AKAP7: variants seen among roughly 807,000 people sequenced by gnomAD.
AKAP7 encodes A-kinase anchoring protein 7, also known as A kinase (PRKA) anchor protein 7.
A neutral mutation model predicts 39.5 loss-of-function variants in AKAP7; 39 were observed. The ratio of observed to expected loss-of-function variants is 0.99; its 90% CI spans 0.76 to 1.29. The LOEUF is 1.29. Among genes scored for constraint, AKAP7 ranks in the 50% most tolerant of loss-of-function variants. The probability of loss-of-function intolerance (pLI) is 0.00; values close to 1 mark genes in which losing one functional copy is unlikely to be tolerated. For missense variants in AKAP7, 414 were observed against 407.7 expected, an observed-to-expected ratio of 1.02 and a Z score of -0.13; for synonymous variants, 140 against 139.1, an observed-to-expected ratio of 1.01 and a Z score of -0.05.
chr6:131,160,254 CA>C (rs67922791), intron 3 of AKAP7, 56 bp downstream of exon 3: 1,255,121 of 1,555,846 alleles, frequency 0.81, 508,054 homozygotes, highest in East Asian at 0.93. Context: ...ATTTAAAGTA[CA>C]ACTAAATGCT....
chr6:131,271,320 T>C (rs548391629), intron 7 of AKAP7, among the ~76,000 whole-genome samples: 1 of 152,318 alleles, frequency 6.6e-6, no homozygotes, highest in Middle Eastern at 3.4e-3. Flanking sequence ...TTATTCTTTT[T>C]TAATTGCCTT....
At chr6:131,269,626 G>A (rs3777491) in intron 7 of AKAP7, among the ~76,000 whole-genome samples, 14,750 of 152,190 alleles carry the variant, frequency 0.097, 1,656 homozygotes, top group African/African-American at 0.27. Flanking sequence ...CCCCTCTGAA[G>A]GAGATTTAAA....
intron 7 of AKAP7, among the ~76,000 whole-genome samples, chr6:131,222,234 G>A (rs1371839763): frequency 3.9e-5 from 6 of 152,142 alleles, no homozygotes; most frequent in Non-Finnish European, 7.4e-5. Flanking sequence ...GATAGAAACA[G>A]CAAGAGAATG....
rs1373817532 is a variant in AKAP7, at chr6:131,232,699, A to T, written c.850+12891A>T. ...TCCCAGCTACTTGGGAGGCTGAGGCAGGAGAATTGCTTGAACCTGGGAGGC... is the reference window on the plus strand; with the variant it reads ...TCCCAGCTACTTGGGAGGCTGAGGCTGGAGAATTGCTTGAACCTGGGAGGC... On this transcript the variant is annotated intron_variant, in intron 7 of 7. Coordinates refer to ENST00000431975, the MANE Select transcript of AKAP7 (RefSeq NM_016377.4). Among the ~76,000 whole-genome samples the T allele has an allele frequency of 2.0e-5, 3 of 152,148 alleles. No individual in the cohort carries two copies. In the East Asian group the frequency reaches 5.8e-4, roughly 29 times the overall value.
At chr6:131,182,123 C>T (rs896144120) in intron 5 of AKAP7, among the ~76,000 whole-genome samples, 5 of 135,204 alleles carry the variant, frequency 3.7e-5, no homozygotes, top group Admixed American at 7.2e-5. Context: ...AAGAGTCCGT[C>T]TGAAAAAAAA....
At chr6:131,180,199 T>C (rs1396609882) in intron 5 of AKAP7, among the ~76,000 whole-genome samples, 1 of 152,202 alleles carries the variant, frequency 6.6e-6, no homozygotes, top group East Asian at 1.9e-4. Context: ...GGCTTTTAAA[T>C]TCTCATACAG....
chr6:131,186,748 A>C (rs1018275643), intron 5 of AKAP7, among the ~76,000 whole-genome samples: 1 of 152,192 alleles, frequency 6.6e-6, no homozygotes, highest in African/African-American at 2.4e-5. Context: ...CAAAGACAAA[A>C]GACAAAAGTG....
Position 131,169,110 on chromosome 6 carries a change from T to C in AKAP7, c.429-3T>C, listed in dbSNP as rs1803784529. ...TACTGAAAAATGTATTATTTCTTACTAGTGGTATTGATGCTCTTTTGGAAT... is the reference window on the plus strand; with the variant it reads ...TACTGAAAAATGTATTATTTCTTACCAGTGGTATTGATGCTCTTTTGGAAT... On this transcript the variant is annotated splice_polypyrimidine_tract_variant and splice_region_variant and intron_variant, in intron 4 of 7. Coordinates refer to ENST00000431975, the MANE Select transcript of AKAP7 (RefSeq NM_016377.4). The C allele has an allele frequency of 6.2e-7, 1 of 1,600,316 alleles. No individual in the cohort carries two copies. Among genetic ancestry groups the C allele is most frequent in the Admixed American group, 1.7e-5 (1 of 59,508 alleles).
chr6:131,278,059 G>A (rs1213102137), intron 7 of AKAP7, among the ~76,000 whole-genome samples: 1 of 152,140 alleles, frequency 6.6e-6, no homozygotes, highest in African/African-American at 2.4e-5. Context: ...CTTATAGGAA[G>A]ATAGAAACAT....
chr6:131,238,020 C>T (rs1811218704), intron 7 of AKAP7, among the ~76,000 whole-genome samples: 1 of 152,066 alleles, frequency 6.6e-6, no homozygotes, highest in Non-Finnish European at 1.5e-5. Flanking sequence ...TTAGATCTTT[C>T]CTACTTTCTC....
intron 7 of AKAP7, among the ~76,000 whole-genome samples, chr6:131,276,670 ATAGT>A (rs915382224): frequency 1.3e-5 from 2 of 152,162 alleles, no homozygotes; most frequent in African/African-American, 4.8e-5. Flanking sequence ...GAGGTTTCTG[ATAGT>A]TAGAATGTGA....
Position 131,281,597 on chromosome 6 carries a change from C to T in AKAP7, c.918C>T (p.Asn306=), listed in dbSNP as rs377014445. 17 of 1,613,280 alleles carry T rather than the reference C, an allele frequency of 1.1e-5. No individual in the cohort carries two copies. Among genetic ancestry groups the T allele is most frequent in the Middle Eastern group, 1.6e-4 (1 of 6,084 alleles). ...GGCTCAGTAAGAGGCTGGTGGAGAA[C>T]GCGGTGCTCAAGGCTGTCCAGCAGT... The part of the protein sequence containing the change: ...LVRLSKRLVE[N]AVLKAVQQYL... The change falls in exon 8 of 8, where the codon AAC becomes AAT. Residue 306 remains asparagine, a synonymous_variant. Coordinates refer to ENST00000431975, the MANE Select transcript of AKAP7 (RefSeq NM_016377.4). The surrounding 1 kb of genome is among the most constrained non-coding windows in gnomAD (Gnocchi z 4.0).
At chr6:131,277,101 T>C (rs898420917) in intron 7 of AKAP7, among the ~76,000 whole-genome samples, 2 of 152,202 alleles carry the variant, frequency 1.3e-5, no homozygotes, top group African/African-American at 4.8e-5. Context: ...CAAAACAGAA[T>C]CATAGGTACG....
chr6:131,125,874 G>A, the AKAP7 span, among the ~76,000 whole-genome samples: 2 of 151,978 alleles, frequency 1.3e-5, no homozygotes, highest in African/African-American at 4.8e-5. Context: ...CCCTTTTCTC[G>A]CTATGTGTTT....
the AKAP7 span, among the ~76,000 whole-genome samples, chr6:131,126,427 GTAT>G: frequency 3.3e-5 from 5 of 152,092 alleles, no homozygotes; most frequent in Non-Finnish European, 7.4e-5. Flanking sequence ...ATGTCCACAG[GTAT>G]TATTAGATTT....
intron 4 of AKAP7, among the ~76,000 whole-genome samples, chr6:131,165,855 T>C (rs1211605625): frequency 1.3e-5 from 2 of 152,168 alleles, no homozygotes; most frequent in African/African-American, 2.4e-5. Flanking sequence ...GACATTCTTA[T>C]CCGTACTTAG....
At chr6:131,140,299 A>G (rs897980366) in intron 1 of AKAP7, among the ~76,000 whole-genome samples, 6 of 152,056 alleles carry the variant, frequency 3.9e-5, no homozygotes, top group Admixed American at 6.6e-5. Context: ...AGGTGATTCT[A>G]ATGTGCAGTT....
At chr6:131,273,868 C>T (rs187532653) in intron 7 of AKAP7, among the ~76,000 whole-genome samples, 11 of 150,924 alleles carry the variant, frequency 7.3e-5, no homozygotes, top group Admixed American at 3.3e-4. Context: ...ATTTGTATGT[C>T]TGAAAAAGTC....
intron 7 of AKAP7, among the ~76,000 whole-genome samples, chr6:131,241,575 ATATGTGTGTGTG>A (rs1811557879): frequency 1.6e-5 from 1 of 63,786 alleles, no homozygotes; most frequent in African/African-American, 6.8e-5. Context: ...TAGATTATAT[ATATGTGTGTGTG>A]TGTGTGTGTG....
Sources: gnomAD v4.1 joint callset for allele counts (sites outside exome capture counted in the v4.1 genomes callset) on GRCh38, gnomAD v4.1.1 for gene constraint, Gnocchi (gnomAD v3.1) non-coding constraint, MANE v1.5 for transcripts, NCBI Gene and HGNC (gene_info 2026-07-23, HGNC 2026-07-21) for gene names.